Variants in AGAP1 observed in about 807,000 individuals in gnomAD.
The protein encoded by AGAP1 is ArfGAP with GTPase domain, ankyrin repeat and PH domain 1, also known as arf-GAP with GTPase, ANK repeat and PH domain-containing protein 1.
A neutral mutation model predicts 105.3 loss-of-function variants in AGAP1; 29 were observed. The observed-to-expected ratio is 0.28, with a 90% CI of 0.21 to 0.38. AGAP1 has a LOEUF of 0.38. Among genes scored for constraint, AGAP1 ranks in the 10% least tolerant of loss-of-function variants. The pLI, the probability that AGAP1 is intolerant of heterozygous loss-of-function variation, is 1.00. For synonymous variants in AGAP1, 509 were observed against 485.9 expected (o/e 1.05, Z -0.63); for missense variants, 998 against 1,165.1 (o/e 0.86, Z 2.09).
intron 9 of AGAP1, among the ~76,000 whole-genome samples, chr2:235,876,894 CTG>C (rs896194847): frequency 2.1e-5 from 3 of 143,518 alleles, no homozygotes; most frequent in African/African-American, 7.9e-5. Flanking sequence ...GTTGCCCAGT[CTG>C]GAGTGCAATG....
chr2:235,975,503 A>G (rs2054822771), intron 13 of AGAP1, among the ~76,000 whole-genome samples: 1 of 152,058 alleles, frequency 6.6e-6, no homozygotes. Context: ...TTGTTTTGTT[A>G]TTTAGAATAT....
chr2:235,537,766 T>C (rs1943289093), intron 1 of AGAP1, among the ~76,000 whole-genome samples: 1 of 152,218 alleles, frequency 6.6e-6, no homozygotes, highest in Non-Finnish European at 1.5e-5. Flanking sequence ...CAGGCTAATG[T>C]CACTGAATGA....
At chr2:235,909,681 GA>G (rs1243449385) in intron 11 of AGAP1, among the ~76,000 whole-genome samples, 1 of 152,166 alleles carries the variant, frequency 6.6e-6, no homozygotes, top group Non-Finnish European at 1.5e-5. Flanking sequence ...TTCTCCTGCA[GA>G]AAGTCCAGAA....
In AGAP1 at chr2:235,993,823, C is replaced by T. The variant is rs372699338; in HGVS notation, c.1645+25200C>T. On this transcript the variant is annotated intron_variant, in intron 13 of 17. Coordinates refer to ENST00000304032, the MANE Select transcript of AGAP1 (RefSeq NM_001037131.3). This position sits in a 1 kb window ranked among gnomAD's most constrained non-coding sequence, Gnocchi z 5.0. ...GGGAGCACAGGTGTGTCCTCACGTGCGCTTGGAGAAAGTGGAGTTTTAATT... is the reference window on the plus strand; with the variant it reads ...GGGAGCACAGGTGTGTCCTCACGTGTGCTTGGAGAAAGTGGAGTTTTAATT... Among the ~76,000 whole-genome samples the T allele has an allele frequency of 1.3e-5, 2 of 152,140 alleles. No individual in the cohort carries two copies. Among genetic ancestry groups the T allele is most frequent in the Admixed American group, 6.5e-5 (1 of 15,278 alleles).
At position 235,663,956 on chromosome 2, in the gene AGAP1, A is replaced by C. The variant is rs1948045731; in HGVS notation, c.164-45223A>C. Among the ~76,000 whole-genome samples the C allele has an allele frequency of 6.6e-6, 1 of 152,174 alleles. No individual in the cohort carries two copies. Among genetic ancestry groups the C allele is most frequent in the African/African-American group, 2.4e-5 (1 of 41,446 alleles). Reference sequence around the variant, plus strand: ...CTTGGTTTTTCTGCACAAAAGCTCCAGGGCTGCTTTGAGGCTGTCTGATAG... The same window carrying C: ...CTTGGTTTTTCTGCACAAAAGCTCCCGGGCTGCTTTGAGGCTGTCTGATAG... On this transcript the variant is annotated intron_variant, in intron 1 of 17. Transcript: ENST00000304032. This position sits in a 1 kb window ranked among gnomAD's most constrained non-coding sequence, Gnocchi z 5.4.
Position 235,608,615 on chromosome 2 carries a change from C to T in AGAP1, c.164-100564C>T, listed in dbSNP as rs1400694824. Among the ~76,000 whole-genome samples, 1 of 152,168 alleles carries T rather than the reference C, an allele frequency of 6.6e-6. No individual in the cohort carries two copies. The highest frequency in any genetic ancestry group is 1.5e-5 in the Non-Finnish European group (1 of 68,042). ...GATGATGCCCAGAGTGTCTGGGGGACGCATCCAGGGTCCCAGGCCCAGAAA... is the reference window on the plus strand; with the variant it reads ...GATGATGCCCAGAGTGTCTGGGGGATGCATCCAGGGTCCCAGGCCCAGAAA... On this transcript the variant is annotated intron_variant, in intron 1 of 17. Coordinates refer to ENST00000304032, the MANE Select transcript of AGAP1 (RefSeq NM_001037131.3). This position sits in a 1 kb window ranked among gnomAD's most constrained non-coding sequence, Gnocchi z 5.4.
chr2:235,540,139 C>G lies in AGAP1; in HGVS notation c.163+45290C>G, dbSNP rs532716331. Among the ~76,000 whole-genome samples the G allele has an allele frequency of 2.7e-5, 4 of 150,538 alleles. No individual in the cohort carries two copies. In the East Asian group the frequency reaches 7.8e-4, roughly 29 times the overall value. Reference sequence around the variant, plus strand: ...TCCGTTTGTTTTTTTCTCTCCCTCCCTCTCTCCTCTTTTTTTTTTTTTTTT... The same window carrying G: ...TCCGTTTGTTTTTTTCTCTCCCTCCGTCTCTCCTCTTTTTTTTTTTTTTTT... On this transcript the variant is annotated intron_variant, in intron 1 of 17. Transcript: ENST00000304032.
chr2:236,031,147 T>C (rs2057210781), intron 13 of AGAP1, among the ~76,000 whole-genome samples: 1 of 152,120 alleles, frequency 6.6e-6, no homozygotes. Flanking sequence ...GAATTGGAGA[T>C]ATATGTATGA....
chr2:235,554,484 G>T (rs956256059), intron 1 of AGAP1, among the ~76,000 whole-genome samples: 2 of 152,198 alleles, frequency 1.3e-5, no homozygotes, highest in African/African-American at 2.4e-5. Context: ...TTAATCAGAA[G>T]CCCCTGCTGC....
chr2:235,985,823 G>A (rs1171876122), intron 13 of AGAP1, among the ~76,000 whole-genome samples: 5 of 152,048 alleles, frequency 3.3e-5, no homozygotes, highest in African/African-American at 1.2e-4. Flanking sequence ...TGCTCCATTG[G>A]TCTATATGCC....
At chr2:235,528,598 C>T (rs374641472) in intron 1 of AGAP1, among the ~76,000 whole-genome samples, 1 of 152,148 alleles carries the variant, frequency 6.6e-6, no homozygotes, top group African/African-American at 2.4e-5. Flanking sequence ...ATGATGTTTG[C>T]TCCGCTTGTT....
intron 1 of AGAP1, among the ~76,000 whole-genome samples, chr2:235,521,738 ATATATG>A (rs1337446829): frequency 0.018 from 2,059 of 116,722 alleles, 50 homozygotes; most frequent in African/African-American, 0.089. Flanking sequence ...TGTTTGTTAT[ATATATG>A]TGTGTGTGTG....
chr2:235,553,695 G>T lies in AGAP1; in HGVS notation c.163+58846G>T, dbSNP rs1163667569. On this transcript the variant is annotated intron_variant, in intron 1 of 17. Coordinates refer to ENST00000304032, the MANE Select transcript of AGAP1 (RefSeq NM_001037131.3). The surrounding 1 kb of genome is among the most constrained non-coding windows in gnomAD (Gnocchi z 4.5). ...AGTTGCCTCCAGGGCCCTGGATTTG[G>T]AGGGAGCCAACTGCCAGAGTCTCAA... Among the ~76,000 whole-genome samples, 1 of 152,006 alleles carries T rather than the reference G, an allele frequency of 6.6e-6. No homozygotes were observed. Among genetic ancestry groups the T allele is most frequent in the Non-Finnish European group, 1.5e-5 (1 of 68,016 alleles).
chr2:236,040,486 C>A lies in AGAP1; in HGVS notation c.1801-265C>A. The A allele has an allele frequency of 1.9e-6, 1 of 519,522 alleles. No homozygotes were observed. The highest frequency in any genetic ancestry group is 5.4e-4 in the Middle Eastern group (1 of 1,862). The allele number at this position is 519,522 out of a possible 1,614,324, so 32.2% of individuals were successfully genotyped here. A position where few individuals can be genotyped will look rare whatever the true frequency, so the allele number is the denominator to read the frequency against. ...ATGCGTATTCACAGATGATCCAGAA[C>A]TCTCCTCTTTGCTCATTTCTGGCAG... is the stretch of plus-strand genomic sequence containing the variant. On this transcript the variant is annotated intron_variant, in intron 14 of 17. Transcript: ENST00000304032. The surrounding 1 kb of genome is among the most constrained non-coding windows in gnomAD (Gnocchi z 5.6).
At chr2:235,797,910 C>A in intron 7 of AGAP1, 24 bp downstream of exon 7, 2 of 1,613,662 alleles carry the variant, frequency 1.2e-6, no homozygotes, top group South Asian at 2.2e-5. Context: ...CATGAGAAGT[C>A]AGACTCTTAG....
intron 16 of AGAP1, among the ~76,000 whole-genome samples, chr2:236,098,689 A>G (rs1279384750): frequency 2.7e-5 from 4 of 146,002 alleles, no homozygotes; most frequent in African/African-American, 5.3e-5. Context: ...CAGTGCCACA[A>G]ACATAGGTCA....
chr2:235,575,699 C>T (rs988747404), intron 1 of AGAP1, among the ~76,000 whole-genome samples: 31 of 152,174 alleles, frequency 2.0e-4, no homozygotes, highest in Admixed American at 5.9e-4. Context: ...AAGGTGTGAA[C>T]GCACAGGTTT....
rs866961767 is a variant in AGAP1 at position 235,964,438 on chromosome 2, G to T, written c.1484-4024G>T. ...CCTGGCACCATACCTGGCAAAGTGG[G>T]CTCCTAACACTGAATAGAGAGGATG... On this transcript the variant is annotated intron_variant, in intron 12 of 17. Coordinates refer to ENST00000304032, the MANE Select transcript of AGAP1 (RefSeq NM_001037131.3). This position sits in a 1 kb window ranked among gnomAD's most constrained non-coding sequence, Gnocchi z 4.6. Among the ~76,000 whole-genome samples, 1 of 152,054 alleles carries T rather than the reference G, an allele frequency of 6.6e-6. No homozygotes were observed. Among genetic ancestry groups the T allele is most frequent in the Non-Finnish European group, 1.5e-5 (1 of 68,016 alleles).
At chr2:235,499,794 C>G (rs1434877163) in intron 1 of AGAP1, among the ~76,000 whole-genome samples, 1 of 152,114 alleles carries the variant, frequency 6.6e-6, no homozygotes, top group Non-Finnish European at 1.5e-5. Flanking sequence ...GCTGGGAGGT[C>G]TGGAAGCTGG....
Sources: allele counts gnomAD v4.1 joint callset (sites outside exome capture counted in the v4.1 genomes callset), GRCh38; gene constraint gnomAD v4.1.1; non-coding constraint Gnocchi (gnomAD v3.1); transcripts MANE v1.5; gene names NCBI Gene and HGNC (gene_info 2026-07-23, HGNC 2026-07-21).